The following PHACTR2 variants were observed in gnomAD, a reference collection of about 807,000 sequenced individuals.
PHACTR2 encodes the protein phosphatase and actin regulator 2.
Under a neutral mutation model 76.0 loss-of-function variants are expected in PHACTR2, and 30 were observed. That is an observed-to-expected ratio of 0.39 (90% CI 0.30 to 0.54). The LOEUF (loss-of-function observed/expected upper bound fraction) is 0.54, where lower values mean the gene tolerates loss of function less well. Ranked by LOEUF, PHACTR2 falls within the 20% of genes least tolerant of loss-of-function variation. The probability of loss-of-function intolerance (pLI) is 0.61; values close to 1 mark genes in which losing one functional copy is unlikely to be tolerated. For synonymous variants in PHACTR2, 292 were observed against 292.5 expected (o/e 1.00, Z 0.02); for missense variants, 696 against 781.1 (o/e 0.89, Z 1.30).
In PHACTR2 at chr6:143,698,036, C is replaced by T. The variant is rs1484414822; in HGVS notation, c.47-13980C>T. On this transcript the variant is annotated intron_variant, in intron 1 of 12. Coordinates refer to ENST00000440869, the MANE Select transcript of PHACTR2 (RefSeq NM_001100164.2). The surrounding 1 kb of genome is among the most constrained non-coding windows in gnomAD (Gnocchi z 4.3). Reference sequence around the variant, plus strand: ...CATTGGTGAATTGCAACTGGCTATTCTGAGGTTCTGTTACGGGCTTTTTCC... The same window carrying T: ...CATTGGTGAATTGCAACTGGCTATTTTGAGGTTCTGTTACGGGCTTTTTCC... 6.6e-6 allele frequency among the ~76,000 whole-genome samples: 1 copy of T among 152,098 alleles called. No individual in the cohort carries two copies. The highest frequency in any genetic ancestry group is 2.4e-5 in the African/African-American group (1 of 41,424).
chr6:143,719,158 C>T lies in PHACTR2; in HGVS notation c.214+6975C>T, dbSNP rs570432481. On this transcript the variant is annotated intron_variant, in intron 2 of 12. Transcript: ENST00000440869. The stretch of plus-strand genomic sequence containing the variant: ...TCGGCCTCCTAAAGTCCTGGGATTA[C>T]AGGCGTGAGCAACCGTGCCTGGCCT... Among the ~76,000 whole-genome samples the T allele has an allele frequency of 1.6e-4, 24 of 150,300 alleles. 1 individual carries two copies. Among genetic ancestry groups the T allele is most frequent in the Middle Eastern group, 6.9e-3 (2 of 288 alleles).
At chr6:143,552,903 A>G (rs1168441608) in intron 1 of PHACTR2, among the ~76,000 whole-genome samples, 1 of 151,728 alleles carries the variant, frequency 6.6e-6, no homozygotes, top group African/African-American at 2.4e-5. Context: ...AAAAAAAAAA[A>G]AAAAAGCAAA....
Position 143,553,083 on chromosome 6 carries a change from G to A in PHACTR2, c.217+15876G>A, listed in dbSNP as rs1298445565. ...AACATGCTTATCCCAGCCCAGAAGT[G>A]TGGCTGAGGGGCTAAAACCCATGCA... On this transcript the variant is annotated intron_variant, in intron 1 of 11. Transcript: ENST00000367584. The surrounding 1 kb of genome is among the most constrained non-coding windows in gnomAD (Gnocchi z 4.2). Among the ~76,000 whole-genome samples the A allele has an allele frequency of 6.6e-6, 1 of 152,138 alleles. No homozygotes were observed. Among genetic ancestry groups the A allele is most frequent in the Non-Finnish European group, 1.5e-5 (1 of 68,028 alleles).
chr6:143,785,694 C>T (rs557511005), intron 10 of PHACTR2, among the ~76,000 whole-genome samples: 2 of 152,322 alleles, frequency 1.3e-5, no homozygotes, highest in African/African-American at 4.8e-5. Flanking sequence ...GGCATCTAGA[C>T]AGAGGTTCCC....
chr6:143,638,658 A>G (rs1393216117), intron 1 of PHACTR2, among the ~76,000 whole-genome samples: 2 of 152,074 alleles, frequency 1.3e-5, no homozygotes, highest in Non-Finnish European at 2.9e-5. Flanking sequence ...AAACACCCCA[A>G]ATGTATATTT....
intron 1 of PHACTR2, among the ~76,000 whole-genome samples, chr6:143,703,156 T>TAAAAAAA (rs57738495): frequency 1.2e-4 from 11 of 91,106 alleles, no homozygotes; most frequent in South Asian, 7.5e-4. Context: ...AAAAAATTAC[T>TAAAAAAA]AAAAAAAAAA....
chr6:143,777,136 T>TG lies in PHACTR2; in HGVS notation c.1590-187dup. On this transcript the variant is annotated intron_variant, in intron 8 of 12. Transcript: ENST00000440869. This position sits in a 1 kb window ranked among gnomAD's most constrained non-coding sequence, Gnocchi z 4.6. Reference sequence around the variant, plus strand: ...GCTAAAAGGAAAGGAGACTGTGTAATGGGGGTCGGTGAGCAGCCTCAGCCA... The same window carrying TG: ...GCTAAAAGGAAAGGAGACTGTGTAATGGGGGGTCGGTGAGCAGCCTCAGCCA... 6.6e-6 allele frequency among the ~76,000 whole-genome samples: 1 copy of TG among 152,186 alleles called. No individual in the cohort carries two copies. Among genetic ancestry groups the TG allele is most frequent in the Non-Finnish European group, 1.5e-5 (1 of 67,996 alleles).
rs1425495299 is a variant in PHACTR2 at position 143,653,654 on chromosome 6, T to C, written c.13+45332T>C. 6.6e-6 allele frequency among the ~76,000 whole-genome samples: 1 copy of C among 151,666 alleles called. No individual in the cohort carries two copies. The highest frequency in any genetic ancestry group is 1.5e-5 in the Non-Finnish European group (1 of 67,968). On this transcript the variant is annotated intron_variant, in intron 1 of 11. Transcript: ENST00000305766. This position sits in a 1 kb window ranked among gnomAD's most constrained non-coding sequence, Gnocchi z 4.9. ...TATCAGCAAACAGTGCTAGGGCAAC[T>C]AGATATCTATGTGAAGAAGAATAAA... is the stretch of plus-strand genomic sequence containing the variant.
chr6:143,830,011 A>G lies in PHACTR2; in HGVS notation c.*6322A>G, dbSNP rs1776628986. 2 of 152,142 alleles carry G rather than the reference A, an allele frequency of 1.3e-5. No homozygotes were observed. The highest frequency in any genetic ancestry group is 6.5e-5 in the Admixed American group (1 of 15,272). The allele number at this position is 152,142 out of a possible 1,614,324, so 9.4% of individuals were successfully genotyped here. ...AGGAGGGGCTTTTCCCTTACTGGAT[A>G]CTTTTGTTATAGTTTGACTATGTCA... On this transcript the variant is annotated 3_prime_UTR_variant, in exon 13 of 13. Transcript: ENST00000440869.
chr6:143,642,476 G>T lies in PHACTR2; in HGVS notation c.13+34154G>T, dbSNP rs866864792. On this transcript the variant is annotated intron_variant, in intron 1 of 11. Transcript: ENST00000305766. Reference sequence around the variant, plus strand: ...AGAAGAACTGCAGTCAGATGTAGTGGTTTGGGCATGGCTTGTTTGATTGTG... The same window carrying T: ...AGAAGAACTGCAGTCAGATGTAGTGTTTTGGGCATGGCTTGTTTGATTGTG... Among the ~76,000 whole-genome samples the T allele has an allele frequency of 5.9e-5, 9 of 152,324 alleles. No individual in the cohort carries two copies. The Middle Eastern group carries it at 0.017, about 288-fold the overall frequency.
intron 1 of PHACTR2, among the ~76,000 whole-genome samples, chr6:143,706,642 G>A (rs1309884826): frequency 6.6e-6 from 1 of 152,160 alleles, no homozygotes; most frequent in Non-Finnish European, 1.5e-5. Context: ...CCCGTGTGAT[G>A]CCACACATTT....
Position 143,823,662 on chromosome 6 carries a change from T to A in PHACTR2, c.1923-12T>A. 1 of 1,610,314 alleles carries A rather than the reference T, an allele frequency of 6.2e-7. No individual in the cohort carries two copies. Among genetic ancestry groups the A allele is most frequent in the Non-Finnish European group, 8.5e-7 (1 of 1,176,596 alleles). On this transcript the variant is annotated splice_polypyrimidine_tract_variant and intron_variant, in intron 12 of 12. Coordinates refer to ENST00000440869, the MANE Select transcript of PHACTR2 (RefSeq NM_001100164.2). This position sits in a 1 kb window ranked among gnomAD's most constrained non-coding sequence, Gnocchi z 5.7. ...TAGGCCACAGGCTTATAGTTTCTAT[T>A]TCTTACTCCAGGTTTCATCGTCCAT...
intron 2 of PHACTR2, among the ~76,000 whole-genome samples, chr6:143,746,001 C>G (rs1429698828): frequency 6.6e-6 from 1 of 152,140 alleles, no homozygotes; most frequent in Non-Finnish European, 1.5e-5. Context: ...AAGCAAAACT[C>G]AAAACTAAAA....
Position 143,595,795 on chromosome 6 carries a change from T to C in PHACTR2, c.217+58588T>C, listed in dbSNP as rs1005047849. Among the ~76,000 whole-genome samples the C allele has an allele frequency of 5.3e-5, 8 of 152,226 alleles. No individual in the cohort carries two copies. The highest frequency in any genetic ancestry group is 1.0e-4 in the Non-Finnish European group (7 of 68,044). On this transcript the variant is annotated intron_variant, in intron 1 of 11. Coordinates refer to the PHACTR2 transcript ENST00000367584. This position sits in a 1 kb window ranked among gnomAD's most constrained non-coding sequence, Gnocchi z 4.2. ...AAGAATGTTACCAGAATGTTCTACT[T>C]AATTTAGCTTTCCAAAGATAAACAC...
rs1775215414 is a variant in PHACTR2 at position 143,774,026 on chromosome 6, C to G, written c.1433-33C>G. ...TGAGTGCCACTGGCTAAAAGCCTCTCTCTCTGCATTTCTGCTCTTTTTCAA... is the reference window on the plus strand; with the variant it reads ...TGAGTGCCACTGGCTAAAAGCCTCTGTCTCTGCATTTCTGCTCTTTTTCAA... On this transcript the variant is annotated intron_variant, in intron 7 of 12. Transcript: ENST00000440869. This position sits in a 1 kb window ranked among gnomAD's most constrained non-coding sequence, Gnocchi z 5.4. The G allele has an allele frequency of 6.2e-7, 1 of 1,603,112 alleles. No individual in the cohort carries two copies. The highest frequency in any genetic ancestry group is 1.3e-5 in the African/African-American group (1 of 74,638).
chr6:143,564,099 C>G (rs1775322528), intron 1 of PHACTR2, among the ~76,000 whole-genome samples: 1 of 149,338 alleles, frequency 6.7e-6, no homozygotes, highest in Non-Finnish European at 1.5e-5. Context: ...TATTGAAATG[C>G]TTTAGAAAAT....
intron 2 of PHACTR2, among the ~76,000 whole-genome samples, chr6:143,741,834 G>A (rs2128468056): frequency 6.6e-6 from 1 of 152,244 alleles, no homozygotes; most frequent in East Asian, 1.9e-4. Flanking sequence ...GGGCGCAGTG[G>A]CTCATGCCTG....
intron 7 of PHACTR2, among the ~76,000 whole-genome samples, chr6:143,773,530 C>CA (rs60299258): frequency 0.069 from 7,439 of 107,912 alleles, 599 homozygotes; most frequent in African/African-American, 0.2. Context: ...TTGCATGGAG[C>CA]AAAAAAAAAA....
At chr6:143,650,668 T>C (rs1056980427) in intron 1 of PHACTR2, among the ~76,000 whole-genome samples, 1 of 152,122 alleles carries the variant, frequency 6.6e-6, no homozygotes, top group Non-Finnish European at 1.5e-5. Context: ...TTACATCTTA[T>C]AGAAAAATCA....
Sources: allele counts gnomAD v4.1 joint callset (sites outside exome capture counted in the v4.1 genomes callset), GRCh38; gene constraint gnomAD v4.1.1; non-coding constraint Gnocchi (gnomAD v3.1); transcripts MANE v1.5; gene names NCBI Gene and HGNC (gene_info 2026-07-23, HGNC 2026-07-21).